LMO3: variants seen among roughly 807,000 people sequenced by gnomAD.
The protein encoded by LMO3 is LIM domain only protein 3.
A neutral mutation model predicts 15.8 loss-of-function variants in LMO3; 2 were observed. That is an observed-to-expected ratio of 0.13 (90% CI 0.05 to 0.40). The LOEUF is 0.40. LMO3 is among the 10% of genes least tolerant of loss of function. The pLI, the probability that LMO3 is intolerant of heterozygous loss-of-function variation, is 0.99. For missense variants in LMO3, 86 were observed against 182.2 expected (o/e 0.47, Z 3.04); for synonymous variants, 62 against 63.8 (o/e 0.97, Z 0.13).
Position 16,582,182 on chromosome 12 carries a change from A to T in LMO3, c.206+18473T>A, listed in dbSNP as rs1052959037. Among the ~76,000 whole-genome samples the T allele has an allele frequency of 6.6e-6, 1 of 151,996 alleles. No individual in the cohort carries two copies. The highest frequency in any genetic ancestry group is 2.4e-5 in the African/African-American group (1 of 41,378). Reference sequence around the variant, plus strand: ...TTTCTTCCTGTTTCTCTTTATTTGGAAGTTTTGAAATGGCTGAATTTTATC... The same window carrying T: ...TTTCTTCCTGTTTCTCTTTATTTGGTAGTTTTGAAATGGCTGAATTTTATC... On this transcript the variant is annotated intron_variant, in intron 2 of 3. Coordinates refer to ENST00000537304, the MANE Select transcript of LMO3 (RefSeq NM_018640.5). This position sits in a 1 kb window ranked among gnomAD's most constrained non-coding sequence, Gnocchi z 4.1.
chr12:16,560,635 T>A lies in LMO3; in HGVS notation c.207-97A>T. 3 of 1,062,876 alleles carry A rather than the reference T, an allele frequency of 2.8e-6. No homozygotes were observed. In the South Asian group the frequency reaches 4.6e-5, roughly 16 times the overall value. 65.8% of individuals were successfully genotyped at this position (1,062,876 alleles called of 1,614,324 possible). On this transcript the variant is annotated intron_variant, in intron 2 of 3. Transcript: ENST00000537304. This position sits in a 1 kb window ranked among gnomAD's most constrained non-coding sequence, Gnocchi z 5.0. The stretch of plus-strand genomic sequence containing the variant: ...GTTAATATACTCTGTAAAGCTACAA[T>A]ACACAATGCTTTATGATGTACACAA...
intron 3 of LMO3, among the ~76,000 whole-genome samples, chr12:16,551,965 T>G (rs902045135): frequency 1.3e-5 from 2 of 152,020 alleles, no homozygotes; most frequent in Non-Finnish European, 2.9e-5. Flanking sequence ...TAGATGTCAT[T>G]TCTTAGAGCA....
chr12:16,606,726 C>G (rs550946706), upstream of LMO3: 3 of 152,286 alleles, frequency 2.0e-5, no homozygotes, highest in Non-Finnish European at 2.9e-5. Flanking sequence ...GCAGTCAGCA[C>G]AACCACATGC....
rs914459528 is a variant in LMO3 at position 16,593,412 on chromosome 12, G to A, written c.206+7243C>T. The stretch of plus-strand genomic sequence containing the variant: ...CAAATCAGGGATTTGACTATTCCAA[G>A]ATGATTATTCATCTCAAGTGTGATT... On this transcript the variant is annotated intron_variant, in intron 2 of 3. Coordinates refer to ENST00000537304, the MANE Select transcript of LMO3 (RefSeq NM_018640.5). The surrounding 1 kb of genome is among the most constrained non-coding windows in gnomAD (Gnocchi z 4.2). Among the ~76,000 whole-genome samples the A allele has an allele frequency of 5.9e-5, 9 of 151,684 alleles. No homozygotes were observed. The highest frequency in any genetic ancestry group is 2.2e-4 in the African/African-American group (9 of 41,374).
At chr12:16,600,400 A>AG (rs1324797125) in intron 2 of LMO3, 1 of 391,464 alleles carries the variant, frequency 2.6e-6, no homozygotes, top group Non-Finnish European at 4.6e-6. Flanking sequence ...GTTTCAACAT[A>AG]GGCAGCGCCA....
intron 2 of LMO3, among the ~76,000 whole-genome samples, chr12:16,574,620 C>T (rs187154004): frequency 6.6e-6 from 1 of 152,236 alleles, no homozygotes; most frequent in East Asian, 1.9e-4. Flanking sequence ...AATTTTAAAT[C>T]TCAGTTTTCT....
rs1330530245 is a variant in LMO3, at chr12:16,591,197, C to T, written c.206+9458G>A. On this transcript the variant is annotated intron_variant, in intron 2 of 3. Coordinates refer to ENST00000537304, the MANE Select transcript of LMO3 (RefSeq NM_018640.5). The surrounding 1 kb of genome is among the most constrained non-coding windows in gnomAD (Gnocchi z 4.1). The stretch of plus-strand genomic sequence containing the variant: ...TATTCTTGCCCCTCCTGCTCTCCCA[C>T]ACCCCAGCTGCACTAGTATCTGTGA... Among the ~76,000 whole-genome samples the T allele has an allele frequency of 6.6e-6, 1 of 151,982 alleles. No homozygotes were observed. The highest frequency in any genetic ancestry group is 1.5e-5 in the Non-Finnish European group (1 of 67,954).
At chr12:16,565,461 TAG>T (rs1942568363) in intron 2 of LMO3, among the ~76,000 whole-genome samples, 1 of 152,220 alleles carries the variant, frequency 6.6e-6, no homozygotes, top group East Asian at 1.9e-4. Flanking sequence ...TTACAGGCTG[TAG>T]AGAGTTGAGT....
intron 2 of LMO3, among the ~76,000 whole-genome samples, chr12:16,588,966 A>C (rs1479518829): frequency 2.6e-5 from 4 of 152,046 alleles, no homozygotes; most frequent in Admixed American, 2.6e-4. Flanking sequence ...TGTCACCCCT[A>C]ACTATTTTAT....
chr12:16,572,245 A>G (rs1248500855), intron 2 of LMO3, among the ~76,000 whole-genome samples: 1 of 151,916 alleles, frequency 6.6e-6, no homozygotes, highest in Non-Finnish European at 1.5e-5. Flanking sequence ...CTACAGAAGG[A>G]ATTACAATAA....
intron 2 of LMO3, chr12:16,567,637 T>C (rs1304194633): frequency 6.6e-6 from 1 of 152,166 alleles, no homozygotes; most frequent in Non-Finnish European, 1.5e-5. Flanking sequence ...AGGCTATTTT[T>C]TAAATGACCA....
chr12:16,606,163 GA>G (rs66532730), upstream of LMO3: 131,169 of 145,924 alleles, frequency 0.9, 59,375 homozygotes, highest in East Asian at 0.98. Flanking sequence ...AGCATTGTTT[GA>G]AAAAAAAAAA....
rs770333076 is a variant in LMO3, at chr12:16,587,592, A to T, written c.206+13063T>A. ...ACTACCCTTGGTGTTAAATTTTCTTAAATTGTATTTCTGTCAGTGTATCAT... is the reference window on the plus strand; with the variant it reads ...ACTACCCTTGGTGTTAAATTTTCTTTAATTGTATTTCTGTCAGTGTATCAT... On this transcript the variant is annotated intron_variant, in intron 2 of 3. Transcript: ENST00000537304. This position sits in a 1 kb window ranked among gnomAD's most constrained non-coding sequence, Gnocchi z 4.3. Among the ~76,000 whole-genome samples, 2 of 152,040 alleles carry T rather than the reference A, an allele frequency of 1.3e-5. No homozygotes were observed. Among genetic ancestry groups the T allele is most frequent in the Non-Finnish European group, 2.9e-5 (2 of 68,022 alleles).
At chr12:16,574,827 G>A (rs1319549102) in intron 2 of LMO3, among the ~76,000 whole-genome samples, 9 of 152,256 alleles carry the variant, frequency 5.9e-5, no homozygotes, top group Admixed American at 6.5e-5. Context: ...TGTGAGTGGG[G>A]AAACAGAAGT....
intron 3 of LMO3, among the ~76,000 whole-genome samples, chr12:16,558,555 C>A (rs544258748): frequency 6.6e-6 from 1 of 151,970 alleles, no homozygotes; most frequent in African/African-American, 2.4e-5. Context: ...CTTATCCCTA[C>A]CAAAAACATG....
Position 16,560,553 on chromosome 12 carries a change from A to ATTTTT in LMO3, c.207-20_207-16dup. ...CACCAAAGAGCCTAGAATAAGAAACATTTTTTTTTTTTTACAAACTCTTAC... is the reference window on the plus strand; with the variant it reads ...CACCAAAGAGCCTAGAATAAGAAACATTTTTTTTTTTTTTTTTTACAAACTCTTAC... On this transcript the variant is annotated splice_polypyrimidine_tract_variant and intron_variant, in intron 2 of 3. Transcript: ENST00000537304. This position sits in a 1 kb window ranked among gnomAD's most constrained non-coding sequence, Gnocchi z 5.0. 7.1e-7 allele frequency: 1 copy of ATTTTT among 1,414,552 alleles called. No individual in the cohort carries two copies. Among genetic ancestry groups the ATTTTT allele is most frequent in the East Asian group, 2.5e-5 (1 of 39,382 alleles). 87.6% of individuals were successfully genotyped at this position (1,414,552 alleles called of 1,614,324 possible).
intron 1 of LMO3, among the ~76,000 whole-genome samples, chr12:16,601,640 TAAAGG>T (rs2137709171): frequency 6.6e-6 from 1 of 152,152 alleles, no homozygotes; most frequent in South Asian, 2.1e-4. Flanking sequence ...ATTTGTTTTA[TAAAGG>T]AAAGAAAAAA....
intron 3 of LMO3, among the ~76,000 whole-genome samples, chr12:16,558,700 T>G (rs1234202939): frequency 2.6e-5 from 4 of 152,148 alleles, no homozygotes; most frequent in African/African-American, 9.6e-5. Flanking sequence ...ACTATTACAT[T>G]ATAAGGTACA....
rs533818777 is a variant in LMO3, at chr12:16,548,440, A to C, written c.*2782T>G. 1 of 152,330 alleles carries C rather than the reference A, an allele frequency of 6.6e-6. No individual in the cohort carries two copies. The highest frequency in any genetic ancestry group is 1.5e-5 in the Non-Finnish European group (1 of 68,026). The allele number at this position is 152,330 out of a possible 1,614,324, so 9.4% of individuals were successfully genotyped here. A position where few individuals can be genotyped will look rare whatever the true frequency, so the allele number is the denominator to read the frequency against. On this transcript the variant is annotated 3_prime_UTR_variant, in exon 4 of 4. Coordinates refer to ENST00000537304, the MANE Select transcript of LMO3 (RefSeq NM_018640.5). This position sits in a 1 kb window ranked among gnomAD's most constrained non-coding sequence, Gnocchi z 4.2. Reference sequence around the variant, plus strand: ...AAAAGTGAATGAAAGAATCCAGCAGATATTTATTAAGCAAGATGAAAGTGA... The same window carrying C: ...AAAAGTGAATGAAAGAATCCAGCAGCTATTTATTAAGCAAGATGAAAGTGA...
Sources: allele counts gnomAD v4.1 joint callset (sites outside exome capture counted in the v4.1 genomes callset), GRCh38; gene constraint gnomAD v4.1.1; non-coding constraint Gnocchi (gnomAD v3.1); transcripts MANE v1.5; gene names NCBI Gene and HGNC (gene_info 2026-07-23, HGNC 2026-07-21).